The following CDYL2 variants were observed in gnomAD, a reference collection of about 807,000 sequenced individuals.
CDYL2 encodes the protein chromodomain Y-like protein 2.
Under a neutral mutation model 49.4 loss-of-function variants are expected in CDYL2, and 23 were observed. The observed-to-expected ratio is 0.47, with a 90% CI of 0.34 to 0.66. The LOEUF is 0.66. Ranked by LOEUF, CDYL2 falls within the 30% of genes least tolerant of loss-of-function variation. The pLI, the probability that CDYL2 is intolerant of heterozygous loss-of-function variation, is 0.01. For missense variants in CDYL2, 678 were observed against 656.4 expected (o/e 1.03, Z -0.36); for synonymous variants, 360 against 268.8 (o/e 1.34, Z -3.32).
intron 2 of CDYL2, among the ~76,000 whole-genome samples, chr16:80,634,513 T>G: frequency 6.6e-6 from 1 of 151,994 alleles, no homozygotes; most frequent in Admixed American, 6.5e-5. Context: ...GGGACATGGG[T>G]GAGAGATAGT....
chr16:80,635,296 G>A (rs892573618), intron 2 of CDYL2, among the ~76,000 whole-genome samples: 4 of 152,118 alleles, frequency 2.6e-5, no homozygotes, highest in Non-Finnish European at 5.9e-5. Flanking sequence ...TGCAGATGAT[G>A]TGACTGTATA....
chr16:80,678,500 C>G (rs1909845364), intron 2 of CDYL2, among the ~76,000 whole-genome samples: 1 of 152,106 alleles, frequency 6.6e-6, no homozygotes, highest in South Asian at 2.1e-4. Context: ...AGCCAAAAGA[C>G]ACATGAAAAA....
Position 80,765,044 on chromosome 16 carries a change from T to C in CDYL2, c.24+39106A>G, listed in dbSNP as rs531541741. Among the ~76,000 whole-genome samples, 60 of 133,336 alleles carry C rather than the reference T, an allele frequency of 4.5e-4. No individual in the cohort carries two copies. In the Middle Eastern group the frequency reaches 0.013, roughly 28 times the overall value. 87.5% of individuals were successfully genotyped at this position (133,336 alleles called of 152,430 possible). On this transcript the variant is annotated intron_variant, in intron 1 of 6. Transcript: ENST00000570137. ...CACTGCACTCCAGCCTGGGTGACAG[T>C]GAGATTCCGTCTCAAAAAAAAAAAA...
chr16:80,702,697 C>G (rs1329776182), intron 1 of CDYL2, among the ~76,000 whole-genome samples: 2 of 152,188 alleles, frequency 1.3e-5, no homozygotes, highest in Non-Finnish European at 2.9e-5. Flanking sequence ...TTGCAGTGGG[C>G]TATGATCGTA....
chr16:80,739,040 G>A (rs1014000794), intron 1 of CDYL2, among the ~76,000 whole-genome samples: 2 of 152,182 alleles, frequency 1.3e-5, no homozygotes, highest in African/African-American at 4.8e-5. Context: ...TAAACAAAAC[G>A]TGGTATACAC....
intron 2 of CDYL2, among the ~76,000 whole-genome samples, chr16:80,645,005 C>T (rs1377220477): frequency 2.0e-5 from 3 of 152,172 alleles, no homozygotes; most frequent in African/African-American, 7.2e-5. Flanking sequence ...GGATTAAAGA[C>T]TTAAACGTTA....
At chr16:80,746,295 T>A (rs1283025593) in intron 1 of CDYL2, among the ~76,000 whole-genome samples, 1 of 152,244 alleles carries the variant, frequency 6.6e-6, no homozygotes, top group Non-Finnish European at 1.5e-5. Context: ...TATCCTATCC[T>A]GCTGACCCAG....
intron 1 of CDYL2, among the ~76,000 whole-genome samples, chr16:80,693,561 A>G (rs1597179063): frequency 2.0e-5 from 3 of 152,352 alleles, no homozygotes; most frequent in Admixed American, 2.0e-4. Flanking sequence ...AAACAGATAA[A>G]CAAACTGAAG....
chr16:80,691,421 A>T (rs1910409826), intron 1 of CDYL2, among the ~76,000 whole-genome samples: 1 of 152,208 alleles, frequency 6.6e-6, no homozygotes, highest in Admixed American at 6.5e-5. Context: ...AAACTACACA[A>T]GGGAAATGGC....
chr16:80,804,803 G>A (rs1426058378), upstream of CDYL2, among the ~76,000 whole-genome samples: 4 of 151,178 alleles, frequency 2.6e-5, no homozygotes, highest in Admixed American at 6.6e-5. Context: ...CCGATCTGGG[G>A]CCGCGAAGGG....
rs188462258 is a variant in CDYL2 at position 80,631,719 on chromosome 16, C to G, written c.834+1300G>C. Among the ~76,000 whole-genome samples, 4 of 152,054 alleles carry G rather than the reference C, an allele frequency of 2.6e-5. No homozygotes were observed. The East Asian group carries it at 7.7e-4, about 29-fold the overall frequency. On this transcript the variant is annotated intron_variant, in intron 3 of 6. Coordinates refer to ENST00000570137, the MANE Select transcript of CDYL2 (RefSeq NM_152342.4). ...AGTCAACCATAGAAAGAAAAGTGACCTAATTTTAAAAATAGGCAAAGGATG... is the reference window on the plus strand; with the variant it reads ...AGTCAACCATAGAAAGAAAAGTGACGTAATTTTAAAAATAGGCAAAGGATG...
At chr16:80,655,578 A>G (rs1304318883) in intron 2 of CDYL2, among the ~76,000 whole-genome samples, 2 of 152,210 alleles carry the variant, frequency 1.3e-5, no homozygotes, top group African/African-American at 4.8e-5. Flanking sequence ...GCACCCGAAG[A>G]GACGAGGGCC....
At chr16:80,673,518 G>A (rs1223383269) in intron 2 of CDYL2, among the ~76,000 whole-genome samples, 1 of 152,114 alleles carries the variant, frequency 6.6e-6, no homozygotes, top group Non-Finnish European at 1.5e-5. Flanking sequence ...GACAATTAAG[G>A]TAGTTTCCTT....
At chr16:80,721,217 G>A (rs572425131) in intron 1 of CDYL2, among the ~76,000 whole-genome samples, 2 of 152,264 alleles carry the variant, frequency 1.3e-5, no homozygotes, top group East Asian at 1.9e-4. Flanking sequence ...GCTGTTTGCT[G>A]TCTGCACATG....
Position 80,684,621 on chromosome 16 carries a change from C to T in CDYL2, c.533G>A (p.Gly178Asp), listed in dbSNP as rs1910103943. 4 of 1,614,098 alleles carry T rather than the reference C, an allele frequency of 2.5e-6. No individual in the cohort carries two copies. Among genetic ancestry groups the T allele is most frequent in the Non-Finnish European group, 3.4e-6 (4 of 1,180,040 alleles). The change falls in exon 2 of 7, where the codon GGC becomes GAC. Residue 178 changes from glycine (G) to aspartate (D), a missense_variant. Transcript: ENST00000570137. The part of the protein sequence containing the change: ...RHFGNGSHQP[G>D]LDLNDHVGEQ... Reference sequence around the variant, plus strand: ...TCCAACATGATCATTCAAATCCAAGCCAGGCTGATGGGACCCATTTCCAAA... The same window carrying T: ...TCCAACATGATCATTCAAATCCAAGTCAGGCTGATGGGACCCATTTCCAAA...
chr16:80,633,154 G>A lies in CDYL2; in HGVS notation c.699C>T (p.Asp233=), dbSNP rs973491854. The A allele has an allele frequency of 6.2e-7, 1 of 1,614,214 alleles. No homozygotes were observed. The highest frequency in any genetic ancestry group is 1.7e-5 in the Admixed American group (1 of 60,020). The change falls in exon 3 of 7, where the codon GAC becomes GAT. Residue 233 remains aspartate, a synonymous_variant. Coordinates refer to ENST00000570137, the MANE Select transcript of CDYL2 (RefSeq NM_152342.4). ...GGCGGACACTGTATCTGAGCCTTTT[G>A]TCAAAGACGTAGTCCTTCTCCGCTT... is the stretch of plus-strand genomic sequence containing the variant. ...KLEAEKDYVF[D]KRLRYSVRQN... is the part of the protein sequence containing the mutation.
At position 80,769,343 on chromosome 16, in the gene CDYL2, CA is replaced by C. The variant is rs1597124692; in HGVS notation, c.24+34806del. Among the ~76,000 whole-genome samples, 3 of 152,290 alleles carry C rather than the reference CA, an allele frequency of 2.0e-5. No individual in the cohort carries two copies. In the East Asian group the frequency reaches 5.8e-4, roughly 29 times the overall value. On this transcript the variant is annotated intron_variant, in intron 1 of 6. Coordinates refer to ENST00000570137, the MANE Select transcript of CDYL2 (RefSeq NM_152342.4). ...AGTTAATGGAGGTGATGCTGAAAGC[CA>C]ACATCTATTGAGCACTCACTATATG...
chr16:80,749,117 G>A (rs1443769483), intron 1 of CDYL2, among the ~76,000 whole-genome samples: 1 of 151,692 alleles, frequency 6.6e-6, no homozygotes, highest in Non-Finnish European at 1.5e-5. Flanking sequence ...TATTAAGAGT[G>A]GGGAATGATT....
intron 1 of CDYL2, among the ~76,000 whole-genome samples, chr16:80,798,447 G>T (rs1322345018): frequency 6.6e-6 from 1 of 152,126 alleles, no homozygotes; most frequent in Non-Finnish European, 1.5e-5. Context: ...TACACAATGG[G>T]AATGCCATGA....
Sources: gnomAD v4.1 joint callset for allele counts (sites outside exome capture counted in the v4.1 genomes callset) on GRCh38, gnomAD v4.1.1 for gene constraint, MANE v1.5 for transcripts, NCBI Gene and HGNC (gene_info 2026-07-23, HGNC 2026-07-21) for gene names.